Variants in NACC2 observed in about 807,000 individuals in gnomAD.
NACC2 encodes the protein NACC family member 2.
Under a neutral mutation model 25.1 loss-of-function variants are expected in NACC2, and 8 were observed. The ratio of observed to expected loss-of-function variants is 0.32; its 90% CI spans 0.19 to 0.57. The LOEUF (loss-of-function observed/expected upper bound fraction) is 0.57, where lower values mean the gene tolerates loss of function less well. Ranked by LOEUF, NACC2 falls within the 20% of genes least tolerant of loss-of-function variation. The probability of loss-of-function intolerance (pLI) is 0.89; values close to 1 mark genes in which losing one functional copy is unlikely to be tolerated. For missense variants in NACC2, 644 were observed against 650.2 expected (o/e 0.99, Z 0.10); for synonymous variants, 435 against 294.7 (o/e 1.48, Z -4.88).
In NACC2 at chr9:136,022,023, C is replaced by T. The variant is rs1308222041; in HGVS notation, c.887-5594G>A. Among the ~76,000 whole-genome samples the T allele has an allele frequency of 6.6e-6, 1 of 152,138 alleles. No individual in the cohort carries two copies. Among genetic ancestry groups the T allele is most frequent in the South Asian group, 2.1e-4 (1 of 4,822 alleles). Reference sequence around the variant, plus strand: ...AGGAAAGGTCGGGCTACACACCTGTCCCCACGGGGGCAGCCTGCACGACTC... The same window carrying T: ...AGGAAAGGTCGGGCTACACACCTGTTCCCACGGGGGCAGCCTGCACGACTC... On this transcript the variant is annotated intron_variant, in intron 2 of 5. Coordinates refer to ENST00000277554, the MANE Select transcript of NACC2 (RefSeq NM_144653.5). This position sits in a 1 kb window ranked among gnomAD's most constrained non-coding sequence, Gnocchi z 4.4.
chr9:136,046,186 G>A (rs930203099), intron 2 of NACC2, among the ~76,000 whole-genome samples: 7 of 152,196 alleles, frequency 4.6e-5, no homozygotes, highest in East Asian at 3.9e-4. Flanking sequence ...GTGGTGGGGC[G>A]GGAAGGGATG....
chr9:136,083,616 G>A (rs1830348209), intron 1 of NACC2, among the ~76,000 whole-genome samples: 2 of 152,168 alleles, frequency 1.3e-5, no homozygotes, highest in African/African-American at 4.8e-5. Context: ...GCCAGGCCGA[G>A]ACTGGCACGA....
At position 136,022,566 on chromosome 9, in the gene NACC2, A is replaced by G. The variant is rs1840307807; in HGVS notation, c.887-6137T>C. On this transcript the variant is annotated intron_variant, in intron 2 of 5. Transcript: ENST00000277554. This position sits in a 1 kb window ranked among gnomAD's most constrained non-coding sequence, Gnocchi z 4.4. ...TCCACCCAGCTTTGGGGGTGGGTCC[A>G]TGGTCCCAGCTCGCTGCCTCCTGGC... Among the ~76,000 whole-genome samples the G allele has an allele frequency of 6.6e-6, 1 of 152,154 alleles. No homozygotes were observed. The highest frequency in any genetic ancestry group is 6.5e-5 in the Admixed American group (1 of 15,284).
intron 2 of NACC2, among the ~76,000 whole-genome samples, chr9:136,044,694 C>G (rs1322277609): frequency 6.6e-6 from 1 of 152,254 alleles, no homozygotes; most frequent in Non-Finnish European, 1.5e-5. Context: ...CTTCTTGCTT[C>G]TCTCTGGGAA....
chr9:136,062,049 G>C (rs578083028), intron 1 of NACC2, among the ~76,000 whole-genome samples: 2 of 152,178 alleles, frequency 1.3e-5, no homozygotes, highest in East Asian at 3.9e-4. Flanking sequence ...GAACTGGGGA[G>C]GTGGAGGTTG....
At position 136,022,138 on chromosome 9, in the gene NACC2, G is replaced by A. The variant is rs1840303327; in HGVS notation, c.887-5709C>T. ...TGCCGGCTTGGCACAGACCAGCTCT[G>A]GCAACCTGTGAGGGACACTTGTGAA... On this transcript the variant is annotated intron_variant, in intron 2 of 5. Coordinates refer to ENST00000277554, the MANE Select transcript of NACC2 (RefSeq NM_144653.5). The surrounding 1 kb of genome is among the most constrained non-coding windows in gnomAD (Gnocchi z 4.4). 6.6e-6 allele frequency among the ~76,000 whole-genome samples: 1 copy of A among 152,196 alleles called. No homozygotes were observed. Among genetic ancestry groups the A allele is most frequent in the Non-Finnish European group, 1.5e-5 (1 of 68,038 alleles).
chr9:136,031,589 C>T (rs1318736594), intron 2 of NACC2, among the ~76,000 whole-genome samples: 4 of 152,150 alleles, frequency 2.6e-5, no homozygotes, highest in Non-Finnish European at 5.9e-5. Flanking sequence ...CCACCCGCCT[C>T]GGCCTCCCAA....
intron 1 of NACC2, among the ~76,000 whole-genome samples, chr9:136,062,148 AGGACAGGACAGGACAGGACAGGAC>A (rs1841021296): frequency 1.3e-5 from 2 of 151,606 alleles, no homozygotes; most frequent in African/African-American, 2.4e-5. Context: ...AGGACAGGAC[AGGACAGGACAGGACAGGACAGGAC>A]AGGAAAGGAA....
At position 136,009,621 on chromosome 9, in the gene NACC2, C is replaced by G. The variant is rs1840074210; in HGVS notation, c.*1895G>C. The stretch of plus-strand genomic sequence containing the variant: ...GGCTGAGTGCTGTCTGTAGAGGCGG[C>G]CCCACGGGAGGTCTCCTAGGGCCTC... On this transcript the variant is annotated 3_prime_UTR_variant, in exon 6 of 6. Coordinates refer to ENST00000277554, the MANE Select transcript of NACC2 (RefSeq NM_144653.5). The G allele has an allele frequency of 6.6e-6, 1 of 152,280 alleles. No individual in the cohort carries two copies. Among genetic ancestry groups the G allele is most frequent in the African/African-American group, 2.4e-5 (1 of 41,472 alleles). The allele number at this position is 152,280 out of a possible 1,614,324, so 9.4% of individuals were successfully genotyped here.
chr9:136,025,726 A>C (rs983470912), intron 2 of NACC2, among the ~76,000 whole-genome samples: 1 of 151,348 alleles, frequency 6.6e-6, no homozygotes, highest in Non-Finnish European at 1.5e-5. Context: ...CAGCCTGGCC[A>C]AAACGGCAAG....
chr9:136,031,627 T>C (rs1840474844), intron 2 of NACC2, among the ~76,000 whole-genome samples: 4 of 152,116 alleles, frequency 2.6e-5, no homozygotes, highest in Admixed American at 2.6e-4. Flanking sequence ...TGTGAGCCAC[T>C]GTGCCCGGCC....
At chr9:136,021,325 C>T (rs557775881) in intron 2 of NACC2, among the ~76,000 whole-genome samples, 2 of 146,760 alleles carry the variant, frequency 1.4e-5, no homozygotes, top group Non-Finnish European at 2.9e-5. Context: ...AGCCATGTTG[C>T]GGTCCCACCT....
rs964346610 is a variant in NACC2, at chr9:136,013,574, C to T, written c.1158-278G>A. On this transcript the variant is annotated intron_variant, in intron 4 of 5. Transcript: ENST00000277554. This position sits in a 1 kb window ranked among gnomAD's most constrained non-coding sequence, Gnocchi z 6.6. ...ACGTCTGAGGAAGCCGCTGTGTCCT[C>T]GGGAAGGGTTCTGTTGGCCCATCAG... Among the ~76,000 whole-genome samples, 1 of 152,166 alleles carries T rather than the reference C, an allele frequency of 6.6e-6. No homozygotes were observed. The highest frequency in any genetic ancestry group is 2.1e-4 in the South Asian group (1 of 4,824).
chr9:136,032,894 T>C (rs1250878075), intron 2 of NACC2, among the ~76,000 whole-genome samples: 2 of 152,076 alleles, frequency 1.3e-5, no homozygotes, highest in South Asian at 2.1e-4. Context: ...GGCAGGCGCC[T>C]GTAATCCCAG....
chr9:136,094,131 G>A (rs963836303), intron 1 of NACC2, among the ~76,000 whole-genome samples: 4 of 152,224 alleles, frequency 2.6e-5, no homozygotes, highest in Middle Eastern at 3.2e-3. Flanking sequence ...CAGCACCCCC[G>A]CCACACACAG....
Position 136,050,341 on chromosome 9 carries a change from C to T in NACC2, c.181G>A (p.Gly61Ser). ...AGCTCGAAGGCGCTCTTGCTGTTGCCGCTGAACAGGTCGCGGAAGTAGAGG... is the reference window on the plus strand; with the variant it reads ...AGCTCGAAGGCGCTCTTGCTGTTGCTGCTGAACAGGTCGCGGAAGTAGAGG... ...SSLYFRDLFSGNSKSAFELPG... is the reference protein window; with the variant it reads ...SSLYFRDLFSSNSKSAFELPG... Residue 61 changes from glycine (G) to serine (S), a missense_variant, in exon 2 of 6, where the codon GGC becomes AGC. By Grantham distance (56) the Gly-to-Ser change is moderately conservative. Coordinates refer to ENST00000277554, the MANE Select transcript of NACC2 (RefSeq NM_144653.5). The T allele has an allele frequency of 2.7e-6, 2 of 743,278 alleles. No homozygotes were observed. Among genetic ancestry groups the T allele is most frequent in the African/African-American group, 1.7e-5 (1 of 58,478 alleles). 46.0% of individuals were successfully genotyped at this position (743,278 alleles called of 1,614,324 possible). A position where few individuals can be genotyped will look rare whatever the true frequency, so the allele number is the denominator to read the frequency against.
rs1347004362 is a variant in NACC2 at position 136,050,153 on chromosome 9, C to T, written c.369G>A (p.Val123=). ...TCTGCGAGTCGCAGTGGGGCGAGCT[C>T]ACCTTGAACATGAGGTCGGTGCCGC... ...VERGTDLMFK[V]SSPHCDSQTA... is the part of the protein sequence containing the mutation. The change falls in exon 2 of 6, where the codon GTG becomes GTA. Residue 123 remains valine, a synonymous_variant. Transcript: ENST00000277554. 2 of 768,780 alleles carry T rather than the reference C, an allele frequency of 2.6e-6. No homozygotes were observed. The highest frequency in any genetic ancestry group is 3.4e-5 in the Admixed American group (2 of 58,174). 47.6% of individuals were successfully genotyped at this position (768,780 alleles called of 1,614,324 possible).
At chr9:136,047,329 C>G (rs1840745905) in intron 2 of NACC2, among the ~76,000 whole-genome samples, 1 of 152,188 alleles carries the variant, frequency 6.6e-6, no homozygotes, top group African/African-American at 2.4e-5. Flanking sequence ...GCGACGCCAG[C>G]AACGTCACAG....
In NACC2 at chr9:136,019,029, C is replaced by CTCACAAAGAG. The variant is rs1840245564; in HGVS notation, c.887-2601_887-2600insCTCTTTGTGA. The CTCACAAAGAG allele has an allele frequency of 6.6e-6, 1 of 152,104 alleles. No homozygotes were observed. Among genetic ancestry groups the CTCACAAAGAG allele is most frequent in the Non-Finnish European group, 1.5e-5 (1 of 68,002 alleles). 9.4% of individuals were successfully genotyped at this position (152,104 alleles called of 1,614,324 possible). A position where few individuals can be genotyped will look rare whatever the true frequency, so the allele number is the denominator to read the frequency against. On this transcript the variant is annotated intron_variant, in intron 2 of 5. Coordinates refer to ENST00000277554, the MANE Select transcript of NACC2 (RefSeq NM_144653.5). The surrounding 1 kb of genome is among the most constrained non-coding windows in gnomAD (Gnocchi z 5.2). ...CCAGAGACTGTCAGCACCAGAGCGG[C>CTCACAAAGAG]CAAAAAAGCCTCTTCTATTTCTGCC...
Sources: allele counts gnomAD v4.1 joint callset (sites outside exome capture counted in the v4.1 genomes callset), GRCh38; gene constraint gnomAD v4.1.1; non-coding constraint Gnocchi (gnomAD v3.1); transcripts MANE v1.5; gene names NCBI Gene and HGNC (gene_info 2026-07-23, HGNC 2026-07-21).